TNFRSF9: variants seen among roughly 807,000 people sequenced by gnomAD.
TNFRSF9 encodes the protein tumor necrosis factor receptor superfamily member 9.
TNFRSF9 carries 16 observed loss-of-function variants against 28.8 expected under a neutral mutation model. The observed-to-expected ratio is 0.55, with a 90% CI of 0.38 to 0.84. The LOEUF (loss-of-function observed/expected upper bound fraction) is 0.84, where lower values mean the gene tolerates loss of function less well. Ranked by LOEUF, TNFRSF9 falls within the 40% of genes least tolerant of loss-of-function variation. TNFRSF9 has a pLI of 0.00. For synonymous variants in TNFRSF9, 131 were observed against 117.0 expected, an observed-to-expected ratio of 1.12 and a Z score of -0.77; for missense variants, 303 against 315.0, an observed-to-expected ratio of 0.96 and a Z score of 0.29.
chr1:7,933,457 C>T (rs1639766654), intron 6 of TNFRSF9, among the ~76,000 whole-genome samples, 161 bp from the exon 7 acceptor site: 2 of 152,182 alleles, frequency 1.3e-5, no homozygotes, highest in South Asian at 4.1e-4. Flanking sequence ...TTTAAAGAGG[C>T]CAGACATGGT....
At chr1:7,922,816 A>G (rs1284132603) in intron 7 of TNFRSF9, among the ~76,000 whole-genome samples, 2 of 151,850 alleles carry the variant, frequency 1.3e-5, no homozygotes, top group Non-Finnish European at 2.9e-5. Flanking sequence ...CATCTCAAAA[A>G]AACACATAAA....
chr1:7,922,897 C>CTTT (rs397863522), intron 7 of TNFRSF9, among the ~76,000 whole-genome samples: 1 of 132,838 alleles, frequency 7.5e-6, no homozygotes, highest in Non-Finnish European at 1.5e-5. Flanking sequence ...CTACAAACTT[C>CTTT]TTTTTTTTTT....
At chr1:7,937,818 C>T in intron 4 of TNFRSF9, 62 bp from the exon 5 acceptor site, 1 of 1,414,934 alleles carries the variant, frequency 7.1e-7, no homozygotes, top group Non-Finnish European at 1.0e-6. Flanking sequence ...GTAACTTTTC[C>T]TGTGATGAAC....
At position 7,918,002 on chromosome 1, in the gene TNFRSF9, A is replaced by C. The variant is rs1639505732; in HGVS notation, c.*2833T>G. Reference sequence around the variant, plus strand: ...GATATAGATAGATAGATAGATAGATAGGCAGAATTTCACTCTTGTCACCCA... The same window carrying C: ...GATATAGATAGATAGATAGATAGATCGGCAGAATTTCACTCTTGTCACCCA... On this transcript the variant is annotated 3_prime_UTR_variant, in exon 8 of 8. Coordinates refer to ENST00000377507, the MANE Select transcript of TNFRSF9 (RefSeq NM_001561.6). 6.7e-6 allele frequency: 1 copy of C among 149,962 alleles called. No individual in the cohort carries two copies. The highest frequency in any genetic ancestry group is 2.1e-4 in the South Asian group (1 of 4,822). The allele number at this position is 149,962 out of a possible 1,614,324, so 9.3% of individuals were successfully genotyped here. A position where few individuals can be genotyped will look rare whatever the true frequency, so the allele number is the denominator to read the frequency against.
chr1:7,933,022 CA>C (rs1471321100), intron 7 of TNFRSF9, 139 bp downstream of exon 7: 11 of 1,001,422 alleles, frequency 1.1e-5, no homozygotes, highest in Non-Finnish European at 1.4e-5. Context: ...CAAATATTCC[CA>C]GGGACGAAAT....
At chr1:7,924,641 A>G (rs1455859723) in intron 7 of TNFRSF9, among the ~76,000 whole-genome samples, 1 of 152,068 alleles carries the variant, frequency 6.6e-6, no homozygotes, top group African/African-American at 2.4e-5. Flanking sequence ...AAAAACAAAC[A>G]AACAAACAAA....
In TNFRSF9 at chr1:7,919,586, TCC is replaced by T. The variant is rs1333862883; in HGVS notation, c.*1247_*1248del. 6 of 152,220 alleles carry T rather than the reference TCC, an allele frequency of 3.9e-5. No individual in the cohort carries two copies. The highest frequency in any genetic ancestry group is 3.3e-4 in the Admixed American group (5 of 15,274). The allele number at this position is 152,220 out of a possible 1,614,324, so 9.4% of individuals were successfully genotyped here. A position where few individuals can be genotyped will look rare whatever the true frequency, so the allele number is the denominator to read the frequency against. On this transcript the variant is annotated 3_prime_UTR_variant, in exon 8 of 8. Transcript: ENST00000377507. ...AGGCATGCCAGGTTTGCACCTGTAA[TCC>T]CAGCTACTTGGGAGACTGAGGCGGG...
rs543416434 is a variant in TNFRSF9, at chr1:7,936,142, A to G, written c.414-999T>C. On this transcript the variant is annotated intron_variant, in intron 5 of 7. Transcript: ENST00000377507. ...TTAAAAAGCCACTTTCCAGCTGGGC[A>G]CAGTGGCTCACACCTGTAATCCCAG... Among the ~76,000 whole-genome samples, 62 of 152,328 alleles carry G rather than the reference A, an allele frequency of 4.1e-4. 1 individual carries two copies. The highest frequency in any genetic ancestry group is 1.4e-3 in the African/African-American group (58 of 41,576).
chr1:7,928,758 A>G (rs1639689320), intron 7 of TNFRSF9, among the ~76,000 whole-genome samples: 1 of 152,178 alleles, frequency 6.6e-6, no homozygotes, highest in African/African-American at 2.4e-5. Context: ...AGCTGCCTGT[A>G]ATCCCAGCTA....
At chr1:7,926,204 A>T (rs1298594786) in intron 7 of TNFRSF9, among the ~76,000 whole-genome samples, 1 of 152,174 alleles carries the variant, frequency 6.6e-6, no homozygotes, top group Admixed American at 6.5e-5. Context: ...CCTGGCAAAG[A>T]TCATATTATT....
At chr1:7,928,621 G>A (rs191600052) in intron 7 of TNFRSF9, among the ~76,000 whole-genome samples, 15 of 152,350 alleles carry the variant, frequency 9.8e-5, no homozygotes, top group Admixed American at 8.5e-4. Flanking sequence ...GCCGGGCATG[G>A]TGGCTCATGC....
intron 7 of TNFRSF9, among the ~76,000 whole-genome samples, chr1:7,932,877 A>C (rs796126218): frequency 5.3e-5 from 8 of 152,248 alleles, no homozygotes; most frequent in South Asian, 2.1e-4. Context: ...GGGCAGCATC[A>C]TTCTTTGCTG....
At chr1:7,928,810 C>T (rs1639689828) in intron 7 of TNFRSF9, among the ~76,000 whole-genome samples, 2 of 152,056 alleles carry the variant, frequency 1.3e-5, no homozygotes, top group Non-Finnish European at 2.9e-5. Flanking sequence ...ACCCAGGAGG[C>T]GGAGGTTGCA....
rs76203739 is a variant in TNFRSF9, at chr1:7,920,648, C to CAAA, written c.*184_*186dup. 332 of 410,690 alleles carry CAAA rather than the reference C, an allele frequency of 8.1e-4. No individual in the cohort carries two copies. The highest frequency in any genetic ancestry group is 2.7e-3 in the Middle Eastern group (6 of 2,204). The allele number at this position is 410,690 out of a possible 1,614,324, so 25.4% of individuals were successfully genotyped here. A position where few individuals can be genotyped will look rare whatever the true frequency, so the allele number is the denominator to read the frequency against. ...CCTGGGTGACAGAGTGAGACCCTGT[C>CAAA]AAAAAAAAAAAAAAAGTGGTGCATT... On this transcript the variant is annotated 3_prime_UTR_variant, in exon 8 of 8. Transcript: ENST00000377507.
chr1:7,940,141 AT>A, intron 1 of TNFRSF9, 63 bp from the exon 2 acceptor site: 1 of 541,866 alleles, frequency 1.8e-6, no homozygotes, highest in Admixed American at 2.8e-5. Flanking sequence ...CTATATTGCA[AT>A]CATTACTTAT....
At chr1:7,925,688 G>A (rs1639641373) in intron 7 of TNFRSF9, among the ~76,000 whole-genome samples, 1 of 152,144 alleles carries the variant, frequency 6.6e-6, no homozygotes, top group Non-Finnish European at 1.5e-5. Flanking sequence ...GGGGTGATGG[G>A]GAACAGTGAC....
At position 7,920,230 on chromosome 1, in the gene TNFRSF9, T is replaced by C. The variant is rs1639537255; in HGVS notation, c.*605A>G. 6.6e-6 allele frequency: 1 copy of C among 152,150 alleles called. No homozygotes were observed. The highest frequency in any genetic ancestry group is 1.5e-5 in the Non-Finnish European group (1 of 68,038). The allele number at this position is 152,150 out of a possible 1,614,324, so 9.4% of individuals were successfully genotyped here. A position where few individuals can be genotyped will look rare whatever the true frequency, so the allele number is the denominator to read the frequency against. ...ATAGTTGGACCACTGGACTATGTAATTGAATTTAAACTATAATTTTCTTTG... is the reference window on the plus strand; with the variant it reads ...ATAGTTGGACCACTGGACTATGTAACTGAATTTAAACTATAATTTTCTTTG... On this transcript the variant is annotated 3_prime_UTR_variant, in exon 8 of 8. Transcript: ENST00000377507.
At chr1:7,921,504 A>T (rs1639558535) in intron 7 of TNFRSF9, among the ~76,000 whole-genome samples, 1 of 151,506 alleles carries the variant, frequency 6.6e-6, no homozygotes, top group African/African-American at 2.4e-5. Flanking sequence ...CGTCTCTACT[A>T]AAAATACCAA....
intron 1 of TNFRSF9, 132 bp downstream of exon 1, chr1:7,940,652 T>C (rs1639887145): frequency 1.3e-5 from 2 of 152,226 alleles, no homozygotes; most frequent in Non-Finnish European, 2.9e-5. Context: ...AAGTTATTGA[T>C]GTTTATTTAA....
Sources: gnomAD v4.1 joint callset for allele counts (sites outside exome capture counted in the v4.1 genomes callset) on GRCh38, gnomAD v4.1.1 for gene constraint, MANE v1.5 for transcripts, NCBI Gene and HGNC (gene_info 2026-07-23, HGNC 2026-07-21) for gene names.